FGGY: variants seen among roughly 807,000 people sequenced by gnomAD.
FGGY encodes the protein FGGY carbohydrate kinase domain containing.
Under a neutral mutation model 71.3 loss-of-function variants are expected in FGGY, and 72 were observed. That is an observed-to-expected ratio of 1.01 (90% CI 0.84 to 1.23). The LOEUF (loss-of-function observed/expected upper bound fraction) is 1.23. Ranked by LOEUF, FGGY falls within the 50% of genes most tolerant of loss-of-function variation. The probability of loss-of-function intolerance (pLI) is 0.00; values close to 1 mark genes in which losing one functional copy is unlikely to be tolerated. For missense variants in FGGY, 668 were observed against 682.3 expected, an observed-to-expected ratio of 0.98 and a Z score of 0.23; for synonymous variants, 251 against 250.3, an observed-to-expected ratio of 1.00 and a Z score of -0.02.
At chr1:59,739,735 C>T (rs572186330) in intron 14 of FGGY, among the ~76,000 whole-genome samples, 47 of 152,254 alleles carry the variant, frequency 3.1e-4, no homozygotes, top group South Asian at 1.2e-3. Flanking sequence ...TCAATCTCCA[C>T]GTGGCTGTTT....
chr1:59,621,224 T>A (rs1217925025), intron 9 of FGGY, among the ~76,000 whole-genome samples: 1 of 152,072 alleles, frequency 6.6e-6, no homozygotes, highest in Admixed American at 6.6e-5. Flanking sequence ...GAGCCATATC[T>A]CTAAATACAG....
intron 9 of FGGY, among the ~76,000 whole-genome samples, chr1:59,617,403 T>C (rs1420263832): frequency 6.6e-6 from 1 of 152,150 alleles, no homozygotes; most frequent in Non-Finnish European, 1.5e-5. Flanking sequence ...TGAATAGATT[T>C]GTATTTTTAA....
chr1:59,702,123 G>T (rs1042858160), intron 14 of FGGY, among the ~76,000 whole-genome samples: 1 of 152,072 alleles, frequency 6.6e-6, no homozygotes, highest in Non-Finnish European at 1.5e-5. Flanking sequence ...ATCAGCTCTC[G>T]TGAGAACTCC....
intron 4 of FGGY, 35 bp downstream of exon 4, chr1:59,346,433 A>C (rs1377141933): frequency 2.5e-6 from 4 of 1,605,072 alleles, no homozygotes; most frequent in Non-Finnish European, 3.4e-6. Context: ...GATACCAACA[A>C]TAGTAGAGGA....
intron 1 of FGGY, among the ~76,000 whole-genome samples, chr1:59,319,838 G>A (rs1246912940): frequency 2.0e-5 from 3 of 152,156 alleles, no homozygotes; most frequent in African/African-American, 4.8e-5. Context: ...GTGGTTTTCA[G>A]TTGTCCTGAG....
intron 14 of FGGY, among the ~76,000 whole-genome samples, chr1:59,692,491 A>T (rs1308056659): frequency 6.6e-6 from 1 of 152,202 alleles, no homozygotes; most frequent in Admixed American, 6.5e-5. Flanking sequence ...AGTTGGTGTG[A>T]CAAAGCCTCT....
chr1:59,377,556 G>A (rs2058816808), intron 4 of FGGY, among the ~76,000 whole-genome samples: 1 of 152,110 alleles, frequency 6.6e-6, no homozygotes, highest in Non-Finnish European at 1.5e-5. Context: ...TGACACTTGG[G>A]GATTATGGGA....
At chr1:59,713,064 T>A (rs2097810277) in intron 14 of FGGY, among the ~76,000 whole-genome samples, 1 of 152,212 alleles carries the variant, frequency 6.6e-6, no homozygotes, top group South Asian at 2.1e-4. Flanking sequence ...TTATGCCAGA[T>A]ACCCTAAATC....
At chr1:59,310,487 G>A (rs1194231995) in intron 1 of FGGY, among the ~76,000 whole-genome samples, 1 of 152,142 alleles carries the variant, frequency 6.6e-6, no homozygotes, top group Admixed American at 6.5e-5. Flanking sequence ...GCCTAGTTTT[G>A]TAATTGGCAT....
intron 14 of FGGY, among the ~76,000 whole-genome samples, chr1:59,706,019 A>T (rs138983495): frequency 6.6e-6 from 1 of 152,328 alleles, no homozygotes; most frequent in East Asian, 1.9e-4. Context: ...CAATGCTGGA[A>T]AATTCTCCAC....
intron 4 of FGGY, among the ~76,000 whole-genome samples, chr1:59,358,623 T>C (rs771626985): frequency 3.3e-5 from 5 of 152,238 alleles, no homozygotes; most frequent in Non-Finnish European, 4.4e-5. Flanking sequence ...TTATGACTTA[T>C]GTTGTTTCCA....
At chr1:59,310,587 C>T (rs1295934463) in intron 1 of FGGY, among the ~76,000 whole-genome samples, 1 of 152,224 alleles carries the variant, frequency 6.6e-6, no homozygotes, top group Non-Finnish European at 1.5e-5. Context: ...TCTCCAGGGT[C>T]CTGGCACAGG....
chr1:59,433,940 C>G lies in FGGY; in HGVS notation c.555-23021C>G, dbSNP rs554122115. On this transcript the variant is annotated intron_variant, in intron 5 of 15. Transcript: ENST00000303721. The stretch of plus-strand genomic sequence containing the variant: ...TGCTTTGCAGTGTTTTTGTTAGTGA[C>G]AGAGACATGAATTCAAGATCTGCCA... Among the ~76,000 whole-genome samples, 6 of 152,302 alleles carry G rather than the reference C, an allele frequency of 3.9e-5. No individual in the cohort carries two copies. The South Asian group carries it at 1.2e-3, about 32-fold the overall frequency.
At chr1:59,581,040 CT>C (rs557857054) in intron 8 of FGGY, among the ~76,000 whole-genome samples, 72 of 152,136 alleles carry the variant, frequency 4.7e-4, no homozygotes, top group Non-Finnish European at 8.8e-4. Context: ...GGAAATGACA[CT>C]GGCTGTTGAG....
At chr1:59,507,317 C>T (rs1221065438) in intron 6 of FGGY, among the ~76,000 whole-genome samples, 2 of 152,164 alleles carry the variant, frequency 1.3e-5, no homozygotes, top group Non-Finnish European at 2.9e-5. Context: ...TTTACAAATC[C>T]AGTTAAGTTA....
chr1:59,585,571 A>C (rs1475993824), intron 8 of FGGY, among the ~76,000 whole-genome samples: 3 of 152,226 alleles, frequency 2.0e-5, no homozygotes, highest in African/African-American at 7.2e-5. Flanking sequence ...AAAATCCTAG[A>C]AGAAAACCTA....
intron 5 of FGGY, among the ~76,000 whole-genome samples, chr1:59,407,005 C>T (rs1308642750): frequency 6.6e-6 from 1 of 152,134 alleles, no homozygotes; most frequent in Non-Finnish European, 1.5e-5. Context: ...GGGGTTGACC[C>T]CTGCCCCCTG....
Position 59,406,572 on chromosome 1 carries a change from T to C in FGGY, c.554+27735T>C, listed in dbSNP as rs150319177. 2.5e-3 allele frequency among the ~76,000 whole-genome samples: 378 copies of C among 152,244 alleles called. 1 individual carries two copies. The highest frequency in any genetic ancestry group is 8.8e-3 in the African/African-American group (366 of 41,548). On this transcript the variant is annotated intron_variant, in intron 5 of 15. Coordinates refer to ENST00000303721, the MANE Select transcript of FGGY (RefSeq NM_018291.5). ...AGTGTTATTGACTCAACAATATATA[T>C]TAAATGAGTTGTTTTTAAGCAAGAA...
intron 7 of FGGY, among the ~76,000 whole-genome samples, chr1:59,535,082 A>C (rs1278958366): frequency 6.6e-6 from 1 of 152,198 alleles, no homozygotes; most frequent in Non-Finnish European, 1.5e-5. Context: ...GTATTCAGGA[A>C]ACCCATCTCA....
Sources: allele counts gnomAD v4.1 joint callset (sites outside exome capture counted in the v4.1 genomes callset), GRCh38; gene constraint gnomAD v4.1.1; transcripts MANE v1.5; gene names NCBI Gene and HGNC (gene_info 2026-07-23, HGNC 2026-07-21).